The following PPEF1 variants were observed in gnomAD, a reference collection of about 807,000 sequenced individuals.
PPEF1 encodes protein phosphatase with EF-hand domain 1, also known as serine/threonine-protein phosphatase with EF-hands 1.
In PPEF1, 12 loss-of-function variants were observed where a neutral mutation model predicts 53.3. The observed-to-expected ratio is 0.23, with a 90% CI of 0.14 to 0.36. PPEF1 has a LOEUF of 0.36. PPEF1 is among the 10% of genes least tolerant of loss of function. PPEF1 has a pLI of 1.00. For synonymous variants in PPEF1, 165 were observed against 176.7 expected (o/e 0.93, Z 0.52); for missense variants, 334 against 490.4 (o/e 0.68, Z 3.01).
exon 6 of PPEF1, chrX:18,700,369 G>A (rs1025746044): frequency 9.5e-6 from 1 of 104,726 alleles, no homozygotes; most frequent in East Asian, 3.0e-4. Flanking sequence ...TTTTTTTCTC[G>A]TCTTCATTTC....
intron 4 of PPEF1, among the ~76,000 whole-genome samples, chrX:18,694,874 ACTTCAAACTCTGATCTGTTTC>A (rs1455584857): frequency 1.8e-5 from 2 of 112,189 alleles, no homozygotes; most frequent in Non-Finnish European, 3.8e-5. Context: ...GTTCAGTGGT[ACTTCAAACTCTGATCTGTTTC>A]CTTCATCTGC....
At chrX:18,810,350 C>CAT (rs2046781836) in intron 12 of PPEF1, among the ~76,000 whole-genome samples, 1 of 100,685 alleles carries the variant, frequency 9.9e-6, no homozygotes, top group African/African-American at 4.7e-5. Context: ...CACACACACA[C>CAT]ACACAAATTC....
upstream of PPEF1, among the ~76,000 whole-genome samples, chrX:18,682,172 G>A (rs183778191): frequency 2.8e-4 from 32 of 112,576 alleles, no homozygotes; most frequent in East Asian, 8.4e-3. Context: ...TGCCTCCTCT[G>A]AGTACATATT....
intron 3 of PPEF1, among the ~76,000 whole-genome samples, chrX:18,739,378 G>T (rs2045084753): frequency 8.9e-6 from 1 of 112,489 alleles, no homozygotes. Flanking sequence ...CTGCAGGTCT[G>T]TTGGAATTTG....
At chrX:18,707,970 A>T in intron 1 of PPEF1, 144 bp downstream of exon 1, 1 of 460,137 alleles carries the variant, frequency 2.2e-6, no homozygotes, top group Non-Finnish European at 3.7e-6. Flanking sequence ...TAGCATAGGA[A>T]ACTACATTTA....
chrX:18,716,343 T>C (rs1478127273), intron 1 of PPEF1, among the ~76,000 whole-genome samples: 14 of 109,178 alleles, frequency 1.3e-4, no homozygotes, highest in Non-Finnish European at 2.7e-4. Flanking sequence ...CCATCCTGGC[T>C]AACACGGTGC....
chrX:18,738,350 T>A (rs1356942445), intron 3 of PPEF1, among the ~76,000 whole-genome samples: 2 of 111,896 alleles, frequency 1.8e-5, no homozygotes, highest in African/African-American at 6.5e-5. Context: ...CATTTGCTTG[T>A]CTTTAAAGGA....
chrX:18,716,157 G>GA (rs1248297030), intron 1 of PPEF1, among the ~76,000 whole-genome samples: 1 of 111,934 alleles, frequency 8.9e-6, no homozygotes, highest in Non-Finnish European at 1.9e-5. Flanking sequence ...TATTTTATAT[G>GA]AAAAAAACTT....
chrX:18,747,421 C>T (rs1211593077), intron 3 of PPEF1, among the ~76,000 whole-genome samples: 1 of 112,138 alleles, frequency 8.9e-6, no homozygotes, highest in Non-Finnish European at 1.9e-5. Context: ...AACTTCATTT[C>T]CTCTTTCCTT....
chrX:18,737,995 C>T (rs2045033349), intron 3 of PPEF1, among the ~76,000 whole-genome samples: 1 of 110,624 alleles, frequency 9.0e-6, no homozygotes, highest in African/African-American at 3.3e-5. Flanking sequence ...TCCTTCATCC[C>T]TTTATTTTGA....
At chrX:18,694,236 G>C (rs747562490) in intron 4 of PPEF1, among the ~76,000 whole-genome samples, 1 of 111,722 alleles carries the variant, frequency 9.0e-6, no homozygotes, top group South Asian at 3.7e-4. Flanking sequence ...ATGTTTGACC[G>C]TATGAACCTG....
intron 10 of PPEF1, among the ~76,000 whole-genome samples, chrX:18,801,874 C>G (rs1281934893): frequency 9.3e-6 from 1 of 107,299 alleles, no homozygotes; most frequent in Non-Finnish European, 1.9e-5. Context: ...ATCCCAGCTA[C>G]TCAGGAGGCT....
At chrX:18,805,482 G>A (rs1055850902) in intron 11 of PPEF1, among the ~76,000 whole-genome samples, 6 of 111,622 alleles carry the variant, frequency 5.4e-5, no homozygotes, top group African/African-American at 2.0e-4. Context: ...AAACATCAGT[G>A]GCTTGTCTGA....
At chrX:18,750,912 T>C (rs2045429589) in intron 4 of PPEF1, among the ~76,000 whole-genome samples, 1 of 111,474 alleles carries the variant, frequency 9.0e-6, no homozygotes, top group African/African-American at 3.3e-5. Flanking sequence ...TTCATTGTGG[T>C]TTTGTTTTGC....
At chrX:18,759,185 A>T (rs2045609688) in intron 5 of PPEF1, among the ~76,000 whole-genome samples, 1 of 111,117 alleles carries the variant, frequency 9.0e-6, no homozygotes, top group Non-Finnish European at 1.9e-5. Context: ...AGACTTTTTC[A>T]CGTGGCACCA....
chrX:18,814,548 G>T (rs767175950), intron 12 of PPEF1, among the ~76,000 whole-genome samples: 1 of 111,912 alleles, frequency 8.9e-6, no homozygotes, highest in Non-Finnish European at 1.9e-5. Context: ...ACTGGTGTGA[G>T]ATGGTATCTC....
chrX:18,694,273 A>C (rs1211410918), intron 4 of PPEF1, among the ~76,000 whole-genome samples: 1 of 111,633 alleles, frequency 9.0e-6, no homozygotes, highest in Non-Finnish European at 1.9e-5. Flanking sequence ...TGAATAGAAA[A>C]TTTTATTTCT....
intron 12 of PPEF1, among the ~76,000 whole-genome samples, chrX:18,816,371 A>G (rs1337070293): frequency 1.8e-5 from 2 of 108,588 alleles, no homozygotes; most frequent in East Asian, 2.8e-4. Flanking sequence ...ATTTCTTTCA[A>G]TAAATCCTAA....
chrX:18,772,880 G>A (rs1218616637), intron 6 of PPEF1, among the ~76,000 whole-genome samples: 1 of 112,649 alleles, frequency 8.9e-6, no homozygotes, highest in Non-Finnish European at 1.9e-5. Context: ...CTGACTGTTG[G>A]CAGAACAGCC....
Sources: gnomAD v4.1 joint callset for allele counts (sites outside exome capture counted in the v4.1 genomes callset) on GRCh38, gnomAD v4.1.1 for gene constraint, MANE v1.5 for transcripts, NCBI Gene and HGNC (gene_info 2026-07-23, HGNC 2026-07-21) for gene names.